Variants in COL10A1 observed in about 807,000 individuals in gnomAD.
COL10A1 encodes collagen alpha-1(X) chain.
A neutral mutation model predicts 18.2 loss-of-function variants in COL10A1; 10 were observed. That is an observed-to-expected ratio of 0.55 (90% CI 0.34 to 0.93). COL10A1 has a LOEUF of 0.93. Ranked by LOEUF, COL10A1 falls within the 40% of genes least tolerant of loss-of-function variation. COL10A1 has a pLI of 0.02. For synonymous variants in COL10A1, 330 were observed against 316.6 expected (o/e 1.04, Z -0.45); for missense variants, 897 against 853.5 (o/e 1.05, Z -0.64).
chr6:116,191,992 T>C, the COL10A1 span, among the ~76,000 whole-genome samples: 4 of 152,040 alleles, frequency 2.6e-5, no homozygotes, highest in Non-Finnish European at 4.4e-5. Flanking sequence ...CGAGCAAACA[T>C]GAGGATGAGG....
intron 1 of COL10A1, among the ~76,000 whole-genome samples, chr6:116,157,553 T>A (rs1780227125): frequency 6.6e-6 from 1 of 152,230 alleles, no homozygotes; most frequent in African/African-American, 2.4e-5. Flanking sequence ...TTGAGTCCAA[T>A]GGGGGATCAA....
the COL10A1 span, among the ~76,000 whole-genome samples, chr6:116,198,620 G>A: frequency 2.2e-4 from 33 of 151,994 alleles, no homozygotes; most frequent in Non-Finnish European, 3.7e-4. Flanking sequence ...AGTCCTACCT[G>A]CTTGGGAGGC....
At chr6:116,190,918 G>C in the COL10A1 span, among the ~76,000 whole-genome samples, 1 of 151,898 alleles carries the variant, frequency 6.6e-6, no homozygotes, top group East Asian at 1.9e-4. Context: ...CTGTTTATAA[G>C]GATGAATACA....
upstream of COL10A1, among the ~76,000 whole-genome samples, chr6:116,162,514 T>C (rs1347692242): frequency 1.3e-5 from 2 of 152,256 alleles, no homozygotes; most frequent in Admixed American, 6.5e-5. Flanking sequence ...GCATGTTTTT[T>C]CTGCATATTG....
At chr6:116,165,575 A>G in the COL10A1 span, among the ~76,000 whole-genome samples, 1 of 152,184 alleles carries the variant, frequency 6.6e-6, no homozygotes, top group African/African-American at 2.4e-5. Context: ...GTTAATTCGA[A>G]AAATGCCTCT....
At chr6:116,198,410 G>T in the COL10A1 span, among the ~76,000 whole-genome samples, 1 of 151,984 alleles carries the variant, frequency 6.6e-6, no homozygotes, top group South Asian at 2.1e-4. Context: ...TAAAGAGCAT[G>T]CCTTCTTCTA....
At chr6:116,168,544 T>G in the COL10A1 span, among the ~76,000 whole-genome samples, 10 of 152,298 alleles carry the variant, frequency 6.6e-5, no homozygotes, top group African/African-American at 2.4e-4. Flanking sequence ...CCATAGGAGC[T>G]TCTGTGGATC....
At chr6:116,178,052 AGTGTGTGTGTGTGTGTGTGTGT>A in the COL10A1 span, among the ~76,000 whole-genome samples, 3 of 136,318 alleles carry the variant, frequency 2.2e-5, no homozygotes, top group African/African-American at 8.2e-5. Context: ...CAAAGAGGAA[AGTGTGTGTGTGTGTGTGTGTGT>A]GTGTGTGTGT....
the COL10A1 span, among the ~76,000 whole-genome samples, chr6:116,163,806 C>G: frequency 2.6e-5 from 4 of 152,250 alleles, no homozygotes; most frequent in East Asian, 7.7e-4. Flanking sequence ...TGATATGTTA[C>G]ATGTCTATAT....
In COL10A1 at chr6:116,121,899, G is replaced by T. The variant is rs779135977; in HGVS notation, c.217C>A (p.His73Asn). 5 of 1,613,784 alleles carry T rather than the reference G, an allele frequency of 3.1e-6. No homozygotes were observed. The African/African-American group carries it at 4.0e-5, about 13-fold the overall frequency. The change falls in exon 3 of 3, where the codon CAC becomes AAC. Residue 73 changes from histidine (H) to asparagine (N), a missense_variant. His to Asn is a moderately conservative substitution (Grantham distance 68, BLOSUM62 1). Transcript: ENST00000651968. The part of the protein sequence containing the change: ...GPPGPAGPRG[H>N]PGPSGPPGKP... ...CCTGGTGGTCCAGAAGGACCTGGGT[G>T]CCCTCGAGGTCCAGCAGGGCCTGGT...
the COL10A1 span, among the ~76,000 whole-genome samples, chr6:116,197,443 T>C: frequency 6.6e-6 from 1 of 152,038 alleles, no homozygotes; most frequent in Admixed American, 6.6e-5. Flanking sequence ...CTGGGAAGAA[T>C]CTTCCCGGTC....
intron 1 of COL10A1, among the ~76,000 whole-genome samples, chr6:116,149,386 G>A (rs577538185): frequency 1.3e-5 from 2 of 152,250 alleles, no homozygotes; most frequent in South Asian, 4.2e-4. Context: ...AATAGACAGT[G>A]TGTCTTTACC....
chr6:116,171,174 A>G, the COL10A1 span, among the ~76,000 whole-genome samples: 2 of 152,132 alleles, frequency 1.3e-5, no homozygotes, highest in Non-Finnish European at 2.9e-5. Context: ...TGTAAGGTTA[A>G]ATGACCCACT....
At chr6:116,148,654 G>T (rs1365605951) in intron 1 of COL10A1, among the ~76,000 whole-genome samples, 4 of 152,044 alleles carry the variant, frequency 2.6e-5, no homozygotes, top group Non-Finnish European at 5.9e-5. Context: ...ACTAAAGTTG[G>T]ATGGTTTATA....
the COL10A1 span, among the ~76,000 whole-genome samples, chr6:116,186,011 G>T: frequency 6.6e-6 from 1 of 151,934 alleles, no homozygotes; most frequent in African/African-American, 2.4e-5. Context: ...GTATTTCAAG[G>T]ATTTCTTTCA....
intron 1 of COL10A1, among the ~76,000 whole-genome samples, chr6:116,151,673 T>C (rs1200132106): frequency 1.3e-5 from 2 of 152,208 alleles, no homozygotes; most frequent in African/African-American, 4.8e-5. Flanking sequence ...GATAATATGT[T>C]AGAAACCATA....
intron 1 of COL10A1, among the ~76,000 whole-genome samples, chr6:116,134,584 C>T (rs976342282): frequency 1.3e-5 from 2 of 152,154 alleles, no homozygotes; most frequent in African/African-American, 2.4e-5. Flanking sequence ...TTGCCTCATG[C>T]TTGTGGATGC....
chr6:116,159,424 T>C (rs1469693779), upstream of COL10A1, among the ~76,000 whole-genome samples: 2 of 152,208 alleles, frequency 1.3e-5, no homozygotes, highest in Non-Finnish European at 2.9e-5. Context: ...TACCCATTCC[T>C]TTGTTCTTTA....
At chr6:116,201,450 TGGA>T in the COL10A1 span, among the ~76,000 whole-genome samples, 1 of 151,968 alleles carries the variant, frequency 6.6e-6, no homozygotes, top group African/African-American at 2.4e-5. Flanking sequence ...AATCCGTTGG[TGGA>T]GAAGAATTGA....
Sources: allele counts gnomAD v4.1 joint callset (sites outside exome capture counted in the v4.1 genomes callset), GRCh38; gene constraint gnomAD v4.1.1; transcripts MANE v1.5; gene names NCBI Gene and HGNC (gene_info 2026-07-23, HGNC 2026-07-21).